Variants in ROBO1 observed in about 807,000 individuals in gnomAD.
ROBO1 encodes roundabout guidance receptor 1, also known as roundabout homolog 1.
Under a neutral mutation model 195.9 loss-of-function variants are expected in ROBO1, and 149 were observed. That is an observed-to-expected ratio of 0.76 (90% CI 0.67 to 0.87). The LOEUF (loss-of-function observed/expected upper bound fraction) is 0.87. Among genes scored for constraint, ROBO1 ranks in the 40% least tolerant of loss-of-function variants. ROBO1 has a pLI of 0.00. For synonymous variants in ROBO1, 816 were observed against 733.2 expected (o/e 1.11, Z -1.82); for missense variants, 1,933 against 2,068.3 (o/e 0.93, Z 1.27).
chr3:79,107,319 C>T (rs538844065), intron 3 of ROBO1, among the ~76,000 whole-genome samples: 83 of 151,710 alleles, frequency 5.5e-4, no homozygotes, highest in African/African-American at 8.7e-4. Context: ...TGAAGTGATG[C>T]GTTTCATATC....
At chr3:78,608,498 C>A (rs1703601976) in intron 28 of ROBO1, among the ~76,000 whole-genome samples, 1 of 152,060 alleles carries the variant, frequency 6.6e-6, no homozygotes, top group Non-Finnish European at 1.5e-5. Flanking sequence ...TCAGTGCTAT[C>A]TTTAAAAATC....
At chr3:79,032,141 G>A (rs2078307349) in intron 3 of ROBO1, among the ~76,000 whole-genome samples, 1 of 152,108 alleles carries the variant, frequency 6.6e-6, no homozygotes, top group South Asian at 2.1e-4. Flanking sequence ...TAGAATGAAA[G>A]AATCATAGTT....
intron 1 of ROBO1, among the ~76,000 whole-genome samples, chr3:79,714,473 A>G (rs1477977395): frequency 1.3e-5 from 2 of 152,146 alleles, no homozygotes; most frequent in Non-Finnish European, 2.9e-5. Context: ...TAGAAATACC[A>G]TTTGAACCAG....
chr3:78,684,130 T>C (rs887437910), intron 10 of ROBO1, among the ~76,000 whole-genome samples: 6 of 152,052 alleles, frequency 3.9e-5, no homozygotes, highest in Admixed American at 1.3e-4. Context: ...TAATGAGCTT[T>C]ACTAACAAAA....
intron 2 of ROBO1, among the ~76,000 whole-genome samples, chr3:79,557,741 A>AT (rs1487088851): frequency 9.4e-6 from 1 of 105,972 alleles, no homozygotes; most frequent in African/African-American, 4.8e-5. Flanking sequence ...AAAACAAAAA[A>AT]AAATATATAT....
intron 1 of ROBO1, among the ~76,000 whole-genome samples, chr3:79,659,900 C>T (rs1219934770): frequency 6.6e-6 from 1 of 152,016 alleles, no homozygotes; most frequent in Non-Finnish European, 1.5e-5. Flanking sequence ...GTTGATCTAA[C>T]AGGGCTGCTG....
At chr3:79,268,648 G>T (rs2030222271) in intron 2 of ROBO1, among the ~76,000 whole-genome samples, 1 of 151,564 alleles carries the variant, frequency 6.6e-6, no homozygotes, top group African/African-American at 2.4e-5. Context: ...AGTTTGCATT[G>T]ACAAAATGAC....
intron 4 of ROBO1, among the ~76,000 whole-genome samples, chr3:78,848,828 T>A (rs1051907580): frequency 6.6e-6 from 1 of 152,180 alleles, no homozygotes; most frequent in African/African-American, 2.4e-5. Flanking sequence ...TCACTCTAGC[T>A]GCCTTGAGAA....
intron 3 of ROBO1, among the ~76,000 whole-genome samples, chr3:78,990,627 G>A (rs905112401): frequency 6.6e-6 from 1 of 151,986 alleles, no homozygotes; most frequent in Non-Finnish European, 1.5e-5. Context: ...TCAAATCTAC[G>A]TTTAGTTCAC....
At chr3:79,318,583 T>A (rs766564075) in intron 2 of ROBO1, among the ~76,000 whole-genome samples, 5 of 152,182 alleles carry the variant, frequency 3.3e-5, no homozygotes, top group Non-Finnish European at 7.4e-5. Context: ...AATTGACATA[T>A]CTAATCAAAT....
intron 2 of ROBO1, among the ~76,000 whole-genome samples, chr3:79,236,360 G>T (rs993594629): frequency 2.6e-5 from 4 of 152,028 alleles, no homozygotes; most frequent in Non-Finnish European, 5.9e-5. Flanking sequence ...TTCAATGTGT[G>T]CCAATTACCA....
At chr3:79,632,478 T>C (rs1376503661) in intron 1 of ROBO1, among the ~76,000 whole-genome samples, 1 of 151,874 alleles carries the variant, frequency 6.6e-6, no homozygotes, top group Non-Finnish European at 1.5e-5. Flanking sequence ...TCCAAAAAAG[T>C]AGAAGGTAGG....
chr3:79,105,736 GT>G (rs2079766071), intron 3 of ROBO1, among the ~76,000 whole-genome samples: 1 of 151,674 alleles, frequency 6.6e-6, no homozygotes, highest in Admixed American at 6.6e-5. Flanking sequence ...AATCCTTAGT[GT>G]CATCATGTGT....
At chr3:78,874,467 A>G (rs2035722547) in intron 4 of ROBO1, among the ~76,000 whole-genome samples, 1 of 151,992 alleles carries the variant, frequency 6.6e-6, no homozygotes, top group South Asian at 2.1e-4. Flanking sequence ...GCTAATGTAT[A>G]TAATACTAAT....
chr3:79,647,293 C>G (rs1576173184), intron 1 of ROBO1, among the ~76,000 whole-genome samples: 1 of 152,042 alleles, frequency 6.6e-6, no homozygotes, highest in African/African-American at 2.4e-5. Context: ...TGAAAGCTCT[C>G]ATGCTACAAA....
At chr3:79,145,197 A>C (rs2080620869) in intron 2 of ROBO1, among the ~76,000 whole-genome samples, 1 of 151,986 alleles carries the variant, frequency 6.6e-6, no homozygotes, top group Non-Finnish European at 1.5e-5. Flanking sequence ...TACAAGGAGA[A>C]TAATAAAACC....
chr3:78,913,765 A>G (rs1404188351), intron 4 of ROBO1, among the ~76,000 whole-genome samples: 2 of 152,208 alleles, frequency 1.3e-5, no homozygotes, highest in East Asian at 3.8e-4. Flanking sequence ...TAGAGATTAA[A>G]GAAACACATT....
At chr3:78,982,015 C>T (rs1204752701) in intron 3 of ROBO1, among the ~76,000 whole-genome samples, 2 of 152,120 alleles carry the variant, frequency 1.3e-5, no homozygotes, top group East Asian at 1.9e-4. Context: ...CTGTATTCTA[C>T]TGAGGGCAGC....
intron 4 of ROBO1, among the ~76,000 whole-genome samples, chr3:78,930,786 C>A (rs1205356957): frequency 6.6e-6 from 1 of 152,164 alleles, no homozygotes; most frequent in East Asian, 1.9e-4. Context: ...ACTAGAATAG[C>A]CTCCTAATTG....
Sources: gnomAD v4.1 joint callset for allele counts (sites outside exome capture counted in the v4.1 genomes callset) on GRCh38, gnomAD v4.1.1 for gene constraint, MANE v1.5 for transcripts, NCBI Gene and HGNC (gene_info 2026-07-23, HGNC 2026-07-21) for gene names.